GBF1: variants seen among roughly 807,000 people sequenced by gnomAD.
The protein encoded by GBF1 is golgi brefeldin A resistant guanine nucleotide exchange factor 1.
A neutral mutation model predicts 210.5 loss-of-function variants in GBF1; 114 were observed. The ratio of observed to expected loss-of-function variants is 0.54; its 90% CI spans 0.47 to 0.63. GBF1 has a LOEUF of 0.63. GBF1 is among the 30% of genes least tolerant of loss of function. The pLI, the probability that GBF1 is intolerant of heterozygous loss-of-function variation, is 0.00. For synonymous variants in GBF1, 850 were observed against 889.2 expected, an observed-to-expected ratio of 0.96 and a Z score of 0.78; for missense variants, 1,851 against 2,357.7, an observed-to-expected ratio of 0.79 and a Z score of 4.45.
At chr10:102,350,739 A>G (rs1293541624) in intron 4 of GBF1, among the ~76,000 whole-genome samples, 1 of 152,132 alleles carries the variant, frequency 6.6e-6, no homozygotes, top group African/African-American at 2.4e-5. Context: ...GGGTCCAGCA[A>G]TTGAGAACCA....
chr10:102,355,110 C>T (rs1337734123), intron 8 of GBF1, among the ~76,000 whole-genome samples: 1 of 152,094 alleles, frequency 6.6e-6, no homozygotes, highest in Admixed American at 6.5e-5. Context: ...AAAGATTACC[C>T]TAATCTGCAT....
rs780962921 is a variant in GBF1 at position 102,359,362 on chromosome 10, C to G, written c.1107C>G (p.Asp369Glu). The change falls in exon 11 of 40, where the codon GAC (aspartate) becomes GAG (glutamate). Residue 369 changes from aspartate (D) to glutamate (E), a missense_variant. Asp to Glu is a conservative substitution (Grantham distance 45). This residue lies in a region of GBF1 where 804 missense variants were observed against 958.6 expected (regional missense o/e 0.84). Coordinates refer to ENST00000369983, the MANE Select transcript of GBF1 (RefSeq NM_001377137.1). Reference protein sequence around the residue: ...EECTSPADHSDSASVHDMDYV... With the variant: ...EECTSPADHSESASVHDMDYV... ...GCACGTCCCCTGCCGACCACTCTGA[C>G]TCTGCCTCTGTCCATGACATGGATT... The G allele has an allele frequency of 8.7e-6, 14 of 1,613,088 alleles. No individual in the cohort carries two copies. Among genetic ancestry groups the G allele is most frequent in the African/African-American group, 1.3e-5 (1 of 74,894 alleles).
rs563184133 is a variant in GBF1, at chr10:102,268,215, T to C, written c.163+8099T>C. ...ACTCTTGAGAAGAAACAGCTCTGCA[T>C]AATCTGTCCTCTCATGGGTTCAGCT... On this transcript the variant is annotated intron_variant, in intron 3 of 39. Transcript: ENST00000369983. Among the ~76,000 whole-genome samples the C allele has an allele frequency of 1.9e-4, 29 of 152,364 alleles. 2 individuals carry two copies. In the South Asian group the frequency reaches 5.8e-3, roughly 30 times the overall value.
intron 3 of GBF1, among the ~76,000 whole-genome samples, chr10:102,276,841 C>T (rs1300828009): frequency 2.0e-5 from 3 of 151,988 alleles, no homozygotes; most frequent in African/African-American, 7.3e-5. Flanking sequence ...TCCTTTTTAC[C>T]TAATTGGTAT....
chr10:102,267,711 G>T (rs1051645695), intron 3 of GBF1, among the ~76,000 whole-genome samples: 3 of 152,190 alleles, frequency 2.0e-5, no homozygotes, highest in Admixed American at 6.5e-5. Flanking sequence ...CTTGTGAATT[G>T]TTCAAGGCCT....
At chr10:102,255,850 A>G (rs1019680059) in intron 1 of GBF1, among the ~76,000 whole-genome samples, 5 of 152,244 alleles carry the variant, frequency 3.3e-5, no homozygotes, top group Non-Finnish European at 5.9e-5. Flanking sequence ...GAAAGCAGAT[A>G]GTCTTCTGAG....
At chr10:102,257,682 ATTCTT>A (rs1468572407) in intron 1 of GBF1, among the ~76,000 whole-genome samples, 2 of 152,126 alleles carry the variant, frequency 1.3e-5, no homozygotes, top group Non-Finnish European at 2.9e-5. Flanking sequence ...AACAACCTTT[ATTCTT>A]TTCTTTAACT....
chr10:102,380,029 G>A lies in GBF1; in HGVS notation c.4878+75G>A, dbSNP rs942898524. 3.9e-6 allele frequency: 4 copies of A among 1,029,556 alleles called. No homozygotes were observed. The African/African-American group carries it at 6.3e-5, about 16-fold the overall frequency. 63.8% of individuals were successfully genotyped at this position (1,029,556 alleles called of 1,614,324 possible). A position where few individuals can be genotyped will look rare whatever the true frequency, so the allele number is the denominator to read the frequency against. ...CCGAGGAGGGAAGCCAGGGCTTCTG[G>A]CAGGACCTAGAGATGCACTGTAGGT... On this transcript the variant is annotated intron_variant, in intron 36 of 39. Coordinates refer to ENST00000369983, the MANE Select transcript of GBF1 (RefSeq NM_001377137.1).
Position 102,366,627 on chromosome 10 carries a change from C to T in GBF1, c.2433+121C>T. 1.1e-6 allele frequency: 1 copy of T among 936,710 alleles called. No individual in the cohort carries two copies. The highest frequency in any genetic ancestry group is 1.6e-6 in the Non-Finnish European group (1 of 642,074). The allele number at this position is 936,710 out of a possible 1,614,324, so 58.0% of individuals were successfully genotyped here. ...TTTGAGACAGAGTCTCGCTCTGTCA[C>T]CCAGGCTGGAGTGCAGTAGCGCAGT... On this transcript the variant is annotated intron_variant, in intron 19 of 39. Transcript: ENST00000369983. The surrounding 1 kb of genome is among the most constrained non-coding windows in gnomAD (Gnocchi z 4.0).
chr10:102,371,931 A>C (rs2060229052), intron 29 of GBF1, among the ~76,000 whole-genome samples: 1 of 151,448 alleles, frequency 6.6e-6, no homozygotes, highest in Admixed American at 6.6e-5. Context: ...GTCTCAAAAA[A>C]AAAAAAAAAG....
intron 5 of GBF1, among the ~76,000 whole-genome samples, chr10:102,351,620 G>A (rs2058983742): frequency 6.6e-6 from 1 of 152,208 alleles, no homozygotes; most frequent in Admixed American, 6.5e-5. Context: ...CTGGCCGACT[G>A]TATTTGTGCC....
At chr10:102,320,985 G>A (rs1013815532) in intron 3 of GBF1, among the ~76,000 whole-genome samples, 14 of 151,656 alleles carry the variant, frequency 9.2e-5, no homozygotes, top group Admixed American at 2.6e-4. Context: ...TAGTAGAGAT[G>A]GGGTTTCACC....
chr10:102,268,448 G>T (rs2133246993), intron 3 of GBF1, among the ~76,000 whole-genome samples: 1 of 152,334 alleles, frequency 6.6e-6, no homozygotes, highest in South Asian at 2.1e-4. Context: ...AGTGTGGTTT[G>T]TGGTGGGTAT....
rs2056681045 is a variant in GBF1, at chr10:102,324,060, T to G, written c.164-19991T>G. Among the ~76,000 whole-genome samples the G allele has an allele frequency of 2.6e-5, 4 of 152,292 alleles. No individual in the cohort carries two copies. In the South Asian group the frequency reaches 8.3e-4, roughly 32 times the overall value. On this transcript the variant is annotated intron_variant, in intron 3 of 39. Transcript: ENST00000369983. ...TGGTGCAAGTGGAAAAAAGAGAGTA[T>G]TATTCCTTTTCTTTTTTTCACAAAA...
chr10:102,252,846 C>CA lies in GBF1; in HGVS notation c.-10-6071dup, dbSNP rs1294805695. On this transcript the variant is annotated intron_variant, in intron 1 of 39. Transcript: ENST00000369983. ...TGGGCGACAGAATGAGACCCTGTTT[C>CA]AAAAAAAAAAAAGGAACTTTTTAAC... is the stretch of plus-strand genomic sequence containing the variant. Among the ~76,000 whole-genome samples the CA allele has an allele frequency of 8.5e-3, 1,147 of 135,338 alleles. 12 individuals are homozygous for CA. Among genetic ancestry groups the CA allele is most frequent in the Admixed American group, 0.036 (495 of 13,664 alleles). 88.8% of individuals were successfully genotyped at this position (135,338 alleles called of 152,430 possible).
intron 3 of GBF1, among the ~76,000 whole-genome samples, chr10:102,338,314 C>T (rs1589689473): frequency 1.4e-5 from 2 of 147,670 alleles, no homozygotes; most frequent in East Asian, 4.0e-4. Flanking sequence ...AGTCTCGGCT[C>T]ACTGTAGCCT....
At chr10:102,288,845 A>G (rs1431104509) in intron 3 of GBF1, among the ~76,000 whole-genome samples, 2 of 151,740 alleles carry the variant, frequency 1.3e-5, no homozygotes, top group Admixed American at 1.3e-4. Context: ...TCACGCCTGT[A>G]ATTGCAGCAT....
rs142886152 is a variant in GBF1, at chr10:102,302,851, A to G, written c.164-41200A>G. 5.9e-5 allele frequency among the ~76,000 whole-genome samples: 9 copies of G among 152,328 alleles called. No individual in the cohort carries two copies. The East Asian group carries it at 1.5e-3, about 26-fold the overall frequency. ...GTAAACATCCTACAATGCATAGGAC[A>G]GCCCCCATGATGAAGAATTACGTGG... On this transcript the variant is annotated intron_variant, in intron 3 of 39. Transcript: ENST00000369983.
intron 4 of GBF1, among the ~76,000 whole-genome samples, chr10:102,349,871 C>T (rs1464198478): frequency 1.3e-5 from 2 of 152,086 alleles, no homozygotes; most frequent in South Asian, 2.1e-4. Context: ...AGCGTGGTGC[C>T]GGTTGTCTGA....
Sources: gnomAD v4.1 joint callset for allele counts (sites outside exome capture counted in the v4.1 genomes callset) on GRCh38, gnomAD v4.1.1 for gene constraint, gnomAD v4.1.1 regional missense constraint, Gnocchi (gnomAD v3.1) non-coding constraint, MANE v1.5 for transcripts, NCBI Gene and HGNC (gene_info 2026-07-23, HGNC 2026-07-21) for gene names.